XIRP2: variants seen among roughly 807,000 people sequenced by gnomAD.
The protein encoded by XIRP2 is xin actin binding repeat containing 2.
XIRP2 carries 236 observed loss-of-function variants against 277.0 expected under a neutral mutation model. The observed-to-expected ratio is 0.85, with a 90% confidence interval of 0.77 to 0.95. The LOEUF (loss-of-function observed/expected upper bound fraction) is 0.95, where lower values mean the gene tolerates loss of function less well. XIRP2 is among the 40% of genes least tolerant of loss of function. The pLI is 0.00. For synonymous variants in XIRP2, 1,490 were observed against 1,416.5 expected (o/e 1.05, Z -1.17); for missense variants, 4,640 against 4,157.5 (o/e 1.12, Z -3.19).
At chr2:167,124,471 T>C (rs936737497) in intron 2 of XIRP2, 2 of 152,200 alleles carry the variant, frequency 1.3e-5, no homozygotes, top group Admixed American at 1.3e-4. Flanking sequence ...ATCCTTTATG[T>C]GAATATAAAA....
At chr2:166,953,352 A>G (rs904943582) in intron 2 of XIRP2, among the ~76,000 whole-genome samples, 1 of 151,914 alleles carries the variant, frequency 6.6e-6, no homozygotes, top group Non-Finnish European at 1.5e-5. Flanking sequence ...TGTTCTCCTT[A>G]TAGTGATAAG....
rs183112872 is a variant in XIRP2, at chr2:167,194,679, A to T, written c.563-16056A>T. Among the ~76,000 whole-genome samples the T allele has an allele frequency of 5.3e-4, 81 of 152,212 alleles. 2 individuals carry two copies. In the East Asian group the frequency reaches 0.012, roughly 23 times the overall value. ...GTTAACTCTAACTGGTTGAACGCAG[A>T]CTTTGGAACCAGACTGCCTAGTTTG... On this transcript the variant is annotated intron_variant, in intron 3 of 10. Coordinates refer to ENST00000409195, the MANE Select transcript of XIRP2 (RefSeq NM_152381.6).
chr2:167,146,515 G>C (rs1299042141), intron 3 of XIRP2, among the ~76,000 whole-genome samples: 19 of 148,674 alleles, frequency 1.3e-4, no homozygotes. Flanking sequence ...AAAAAAGAAA[G>C]AAAGAAAGAA....
intron 2 of XIRP2, among the ~76,000 whole-genome samples, chr2:166,947,023 T>C (rs963531439): frequency 6.6e-6 from 1 of 152,160 alleles, no homozygotes; most frequent in Non-Finnish European, 1.5e-5. Flanking sequence ...CTGAAAAGTA[T>C]GATAAATGCT....
rs1254301406 is a variant in XIRP2 at position 167,243,589 on chromosome 2, A to C, written c.2197A>C (p.Ile733Leu). The C allele has an allele frequency of 6.2e-7, 1 of 1,614,110 alleles. No individual in the cohort carries two copies. The highest frequency in any genetic ancestry group is 1.1e-5 in the South Asian group (1 of 91,080). Reference protein sequence around the residue: ...KEIKGNVKRSIKCFETQPLYV... With the variant: ...KEIKGNVKRSLKCFETQPLYV... The stretch of plus-strand genomic sequence containing the variant: ...AATTAAGGGAAATGTTAAAAGAAGT[A>C]TAAAATGTTTCGAAACTCAACCATT... The change falls in exon 9 of 11, where the codon ATA (isoleucine) becomes CTA (leucine). Residue 733 changes from isoleucine to leucine, a missense_variant. Coordinates refer to ENST00000409195, the MANE Select transcript of XIRP2 (RefSeq NM_152381.6).
At chr2:167,018,852 G>C (rs1687907045) in intron 2 of XIRP2, among the ~76,000 whole-genome samples, 2 of 151,962 alleles carry the variant, frequency 1.3e-5, no homozygotes, top group Non-Finnish European at 2.9e-5. Context: ...AGTATCCGTA[G>C]AGCATGCAAA....
chr2:167,032,891 C>A (rs994900279), intron 2 of XIRP2, among the ~76,000 whole-genome samples: 1 of 152,104 alleles, frequency 6.6e-6, no homozygotes, highest in African/African-American at 2.4e-5. Flanking sequence ...TGTGGCAACT[C>A]CTCAAGGATC....
intron 2 of XIRP2, among the ~76,000 whole-genome samples, chr2:167,090,112 T>G (rs1690097161): frequency 6.6e-6 from 1 of 152,134 alleles, no homozygotes; most frequent in Non-Finnish European, 1.5e-5. Flanking sequence ...TAATTGTGTC[T>G]TTATGAACTT....
chr2:167,038,188 G>C (rs1688567551), intron 2 of XIRP2, among the ~76,000 whole-genome samples: 5 of 151,770 alleles, frequency 3.3e-5, no homozygotes, highest in Admixed American at 3.3e-4. Flanking sequence ...TTAATTTACT[G>C]TTTTGTTATA....
intron 2 of XIRP2, among the ~76,000 whole-genome samples, chr2:166,935,386 A>G (rs1283210916): frequency 6.6e-6 from 1 of 152,200 alleles, no homozygotes. Context: ...GGATGGATGG[A>G]CTGGAAAAAG....
At chr2:167,230,110 A>G (rs1559031178) in intron 5 of XIRP2, among the ~76,000 whole-genome samples, 2 of 152,110 alleles carry the variant, frequency 1.3e-5, no homozygotes, top group Admixed American at 1.3e-4. Flanking sequence ...CCTTGGGTGA[A>G]TATCAGTGCC....
chr2:167,038,690 A>G (rs1009825703), intron 2 of XIRP2, among the ~76,000 whole-genome samples: 9 of 151,998 alleles, frequency 5.9e-5, no homozygotes, highest in Admixed American at 3.3e-4. Flanking sequence ...AGTCCTATCC[A>G]TATTTATACT....
chr2:167,161,529 C>T (rs901720502), intron 3 of XIRP2, among the ~76,000 whole-genome samples: 6 of 152,198 alleles, frequency 3.9e-5, no homozygotes, highest in Non-Finnish European at 7.3e-5. Context: ...GGGACTTGCA[C>T]CCTCTGAAGC....
chr2:166,984,803 A>G (rs1686959405), intron 2 of XIRP2, among the ~76,000 whole-genome samples: 1 of 152,202 alleles, frequency 6.6e-6, no homozygotes, highest in Non-Finnish European at 1.5e-5. Flanking sequence ...CTGTCACTTA[A>G]AGTGGAGTTC....
At chr2:167,137,174 A>C (rs1021160249) in intron 3 of XIRP2, among the ~76,000 whole-genome samples, 1 of 152,168 alleles carries the variant, frequency 6.6e-6, no homozygotes, top group Non-Finnish European at 1.5e-5. Context: ...TAAGGATGTA[A>C]TTTGGAGTGG....
At chr2:166,943,792 T>A (rs1438680931) in intron 2 of XIRP2, among the ~76,000 whole-genome samples, 1 of 152,234 alleles carries the variant, frequency 6.6e-6, no homozygotes, top group Non-Finnish European at 1.5e-5. Flanking sequence ...TCACCAGTTG[T>A]TCCCCCAAGA....
chr2:167,023,798 C>T (rs1457518945), intron 2 of XIRP2, among the ~76,000 whole-genome samples: 1 of 152,060 alleles, frequency 6.6e-6, no homozygotes, highest in South Asian at 2.1e-4. Context: ...GGGATCTGTT[C>T]TGTTCCATTG....
Position 167,244,863 on chromosome 2 carries a change from C to A in XIRP2, c.3471C>A (p.Ile1157=). 1 of 1,613,574 alleles carries A rather than the reference C, an allele frequency of 6.2e-7. No homozygotes were observed. The highest frequency in any genetic ancestry group is 8.5e-7 in the Non-Finnish European group (1 of 1,179,754). Residue 1157 remains isoleucine (I), a synonymous_variant, in exon 9 of 11, where the codon ATC becomes ATA. Transcript: ENST00000409195. ...TGCAAACTGTAAAACAGGAGGAGAT[C>A]CAAGGTGGGGATGTTCGTACAGCAT... ...VKLQTVKQEE[I]QGGDVRTACF...
At chr2:167,228,343 G>T (rs996762105) in intron 5 of XIRP2, among the ~76,000 whole-genome samples, 2 of 152,150 alleles carry the variant, frequency 1.3e-5, no homozygotes, top group Non-Finnish European at 1.5e-5. Flanking sequence ...TGGTATATGA[G>T]TTACACTGCT....
Sources: gnomAD v4.1 joint callset for allele counts (sites outside exome capture counted in the v4.1 genomes callset) on GRCh38, gnomAD v4.1.1 for gene constraint, MANE v1.5 for transcripts, NCBI Gene and HGNC (gene_info 2026-07-23, HGNC 2026-07-21) for gene names.